FER: variants seen among roughly 807,000 people sequenced by gnomAD.
FER encodes tyrosine-protein kinase Fer.
Under a neutral mutation model 111.0 loss-of-function variants are expected in FER, and 63 were observed. The observed-to-expected ratio is 0.57, with a 90% CI of 0.46 to 0.70. The LOEUF (loss-of-function observed/expected upper bound fraction) is 0.70. Among genes scored for constraint, FER ranks in the 30% least tolerant of loss-of-function variants. The pLI is 0.00. For synonymous variants in FER, 327 were observed against 313.9 expected, an observed-to-expected ratio of 1.04 and a Z score of -0.44; for missense variants, 914 against 954.0, an observed-to-expected ratio of 0.96 and a Z score of 0.55.
At chr5:109,054,425 A>G (rs911584870) in intron 16 of FER, among the ~76,000 whole-genome samples, 1 of 152,114 alleles carries the variant, frequency 6.6e-6, no homozygotes, top group Admixed American at 6.5e-5. Context: ...GTATATCTTC[A>G]CTGGTCAAGT....
chr5:109,178,274 G>A (rs1167860206), intron 17 of FER, among the ~76,000 whole-genome samples: 2 of 152,138 alleles, frequency 1.3e-5, no homozygotes, highest in Non-Finnish European at 2.9e-5. Context: ...AAAGGAAGTA[G>A]CATTTTCTGT....
At chr5:109,177,130 TTCATGTATTTTTA>T (rs1757787604) in intron 17 of FER, among the ~76,000 whole-genome samples, 1 of 152,338 alleles carries the variant, frequency 6.6e-6, no homozygotes, top group East Asian at 1.9e-4. Flanking sequence ...AATAACGTAA[TTCATGTATTTTTA>T]AAAGTTGGTG....
At chr5:109,062,022 T>TTTGC (rs112245118) in intron 16 of FER, among the ~76,000 whole-genome samples, 1,685 of 150,648 alleles carry the variant, frequency 0.011, 23 homozygotes, top group African/African-American at 0.037. Flanking sequence ...TTATGAATAC[T>TTTGC]TTGCTTGCTT....
intron 17 of FER, among the ~76,000 whole-genome samples, chr5:109,165,309 T>C (rs10051034): frequency 0.38 from 57,215 of 152,028 alleles, 11,002 homozygotes; most frequent in Non-Finnish European, 0.4. Flanking sequence ...TGCTCTAATT[T>C]GAGTGCCTCT....
At chr5:109,014,339 A>T (rs1766729138) in intron 13 of FER, among the ~76,000 whole-genome samples, 1 of 152,234 alleles carries the variant, frequency 6.6e-6, no homozygotes, top group Admixed American at 6.5e-5. Context: ...TTAAATAGGG[A>T]ATCCTTTCCC....
intron 17 of FER, among the ~76,000 whole-genome samples, chr5:109,132,569 C>A (rs765424745): frequency 1.3e-5 from 2 of 152,062 alleles, no homozygotes; most frequent in Non-Finnish European, 2.9e-5. Context: ...GTTAAAAGGC[C>A]TAGATCCCAG....
Position 108,955,003 on chromosome 5 carries a change from G to T in FER, c.1533+71G>T, listed in dbSNP as rs1030246546. 1.4e-4 allele frequency: 191 copies of T among 1,335,664 alleles called. No homozygotes were observed. The African/African-American group carries it at 2.7e-3, about 19-fold the overall frequency. 82.7% of individuals were successfully genotyped at this position (1,335,664 alleles called of 1,614,324 possible). A position where few individuals can be genotyped will look rare whatever the true frequency, so the allele number is the denominator to read the frequency against. On this transcript the variant is annotated intron_variant, in intron 12 of 19. Coordinates refer to ENST00000281092, the MANE Select transcript of FER (RefSeq NM_005246.4). ...TGCGGTACAATTATATTAAAATAACGAATGGTTTGTGATAAATGCCTGCAA... is the reference window on the plus strand; with the variant it reads ...TGCGGTACAATTATATTAAAATAACTAATGGTTTGTGATAAATGCCTGCAA...
intron 3 of FER, among the ~76,000 whole-genome samples, chr5:108,802,485 T>C (rs1158373062): frequency 6.6e-6 from 1 of 152,092 alleles, no homozygotes; most frequent in African/African-American, 2.4e-5. Flanking sequence ...TACCCAATAG[T>C]TTTTCAGCCT....
rs1336355537 is a variant in FER, at chr5:109,190,366, T to C, written c.*2791T>C. 1 of 152,028 alleles carries C rather than the reference T, an allele frequency of 6.6e-6. No individual in the cohort carries two copies. The highest frequency in any genetic ancestry group is 1.5e-5 in the Non-Finnish European group (1 of 67,964). 9.4% of individuals were successfully genotyped at this position (152,028 alleles called of 1,614,324 possible). A position where few individuals can be genotyped will look rare whatever the true frequency, so the allele number is the denominator to read the frequency against. Reference sequence around the variant, plus strand: ...TGTTGTTAATGGATTATTCAAGATATATATATATATTCTTACTACTGCATA... The same window carrying C: ...TGTTGTTAATGGATTATTCAAGATACATATATATATTCTTACTACTGCATA... On this transcript the variant is annotated 3_prime_UTR_variant, in exon 20 of 20. Transcript: ENST00000281092.
chr5:108,830,994 T>A (rs1292897876), intron 3 of FER, among the ~76,000 whole-genome samples: 1 of 152,068 alleles, frequency 6.6e-6, no homozygotes, highest in Non-Finnish European at 1.5e-5. Flanking sequence ...GAGGACAATA[T>A]GGGGTTGACA....
Position 109,113,699 on chromosome 5 carries a change from G to A in FER, c.2048+13180G>A, listed in dbSNP as rs373807842. 4.6e-5 allele frequency among the ~76,000 whole-genome samples: 7 copies of A among 152,212 alleles called. No individual in the cohort carries two copies. In the East Asian group the frequency reaches 5.8e-4, roughly 13 times the overall value. On this transcript the variant is annotated intron_variant, in intron 17 of 19. Transcript: ENST00000281092. Reference sequence around the variant, plus strand: ...CCCCTTGCCTAGCACTATGCCTGGCGCATAGTATGGCTGAGTAATTCATGG... The same window carrying A: ...CCCCTTGCCTAGCACTATGCCTGGCACATAGTATGGCTGAGTAATTCATGG...
intron 16 of FER, among the ~76,000 whole-genome samples, chr5:109,075,578 C>G (rs1776238973): frequency 6.6e-6 from 1 of 152,024 alleles, no homozygotes; most frequent in Non-Finnish European, 1.5e-5. Context: ...TGCCTGCCAC[C>G]ACACCCGGAT....
At chr5:109,076,117 G>A (rs879879630) in intron 16 of FER, among the ~76,000 whole-genome samples, 9 of 151,926 alleles carry the variant, frequency 5.9e-5, no homozygotes, top group Non-Finnish European at 1.3e-4. Flanking sequence ...ATTATGTGTA[G>A]CATTTTTATG....
At chr5:109,150,575 G>T (rs1754724666) in intron 17 of FER, among the ~76,000 whole-genome samples, 1 of 152,134 alleles carries the variant, frequency 6.6e-6, no homozygotes, top group South Asian at 2.1e-4. Flanking sequence ...GAACTAGGTG[G>T]TCAGCAAACA....
chr5:108,996,098 C>G lies in FER; in HGVS notation c.1656+36751C>G, dbSNP rs889419736. ...AATGTCTGTTCATATCCCTTGCCCA[C>G]TTTTTGAAGGAGTTGTTTTTTTCTT... On this transcript the variant is annotated intron_variant, in intron 13 of 19. Transcript: ENST00000281092. 3.9e-5 allele frequency among the ~76,000 whole-genome samples: 6 copies of G among 152,162 alleles called. No homozygotes were observed. In the South Asian group the frequency reaches 1.0e-3, roughly 26 times the overall value.
At chr5:108,889,447 C>T (rs1747684503) in intron 9 of FER, among the ~76,000 whole-genome samples, 1 of 151,806 alleles carries the variant, frequency 6.6e-6, no homozygotes, top group Non-Finnish European at 1.5e-5. Context: ...AAGCCAGGCA[C>T]AGAAAGACAA....
At chr5:109,026,053 G>A (rs1768683374) in intron 13 of FER, among the ~76,000 whole-genome samples, 1 of 152,080 alleles carries the variant, frequency 6.6e-6, no homozygotes, top group South Asian at 2.1e-4. Context: ...AAATGAGTTA[G>A]AAAATATTCA....
At chr5:109,125,070 AAGAT>A (rs1294077104) in intron 17 of FER, among the ~76,000 whole-genome samples, 85 of 151,654 alleles carry the variant, frequency 5.6e-4, no homozygotes, top group African/African-American at 2.0e-3. Context: ...AAAAAGAAGA[AAGAT>A]AGAAGTTGAC....
intron 13 of FER, among the ~76,000 whole-genome samples, chr5:109,021,448 G>T (rs78125977): frequency 0.011 from 1,601 of 152,046 alleles, 24 homozygotes; most frequent in African/African-American, 0.037. Context: ...CTCACAAGTG[G>T]GAATTGCTTT....
Sources: allele counts gnomAD v4.1 joint callset (sites outside exome capture counted in the v4.1 genomes callset), GRCh38; gene constraint gnomAD v4.1.1; transcripts MANE v1.5; gene names NCBI Gene and HGNC (gene_info 2026-07-23, HGNC 2026-07-21).